The following ZNF358 variants were observed in gnomAD, a reference collection of about 807,000 sequenced individuals.
The protein encoded by ZNF358 is zinc finger protein 358.
In ZNF358, 1 loss-of-function variant was observed where a neutral mutation model predicts 2.1. The ratio of observed to expected loss-of-function variants is 0.49; its 90% confidence interval spans 0.17 to 2.30. The LOEUF is 2.30. ZNF358 is among the 30% of genes most tolerant of loss of function. The pLI, the probability that ZNF358 is intolerant of heterozygous loss-of-function variation, is 0.26. For missense variants in ZNF358, 665 were observed against 806.8 expected (o/e 0.82, Z 2.13); for synonymous variants, 381 against 359.7 (o/e 1.06, Z -0.67).
In ZNF358 at chr19:7,519,915, C is replaced by T; in HGVS notation, c.673C>T (p.His225Tyr). ...CGGCTGGCGCTCCACGCTGCTGAAA[C>T]ATCGCAGCAGCCACAGCGGGGAGAA... ...AFGWRSTLLK[H>Y]RSSHSGEKPH... The change falls in exon 2 of 2, where the codon CAT (histidine) becomes TAT (tyrosine). Residue 225 changes from histidine to tyrosine, a missense_variant. Physicochemically the swap from His to Tyr is moderately conservative, Grantham distance 83. Coordinates refer to ENST00000597229, the MANE Select transcript of ZNF358 (RefSeq NM_018083.5). 1 of 1,527,654 alleles carries T rather than the reference C, an allele frequency of 6.5e-7. No individual in the cohort carries two copies. The highest frequency in any genetic ancestry group is 8.7e-7 in the Non-Finnish European group (1 of 1,143,166). 94.6% of individuals were successfully genotyped at this position (1,527,654 alleles called of 1,614,324 possible).
Position 7,516,272 on chromosome 19 carries a change from TGGGGCCGGGGCGG to T in ZNF358, c.-39+29_-39+41del, listed in dbSNP as rs1396880187. 32 of 24,578 alleles carry T rather than the reference TGGGGCCGGGGCGG, an allele frequency of 1.3e-3. 1 individual carries two copies. The highest frequency in any genetic ancestry group is 2.2e-3 in the Non-Finnish European group (28 of 12,806). 1.5% of individuals were successfully genotyped at this position (24,578 alleles called of 1,614,324 possible). ...CGGGTGAGTGTCCCTGCGAGCGGGC[TGGGGCCGGGGCGG>T]GGGGCTGGGTGGGGGGCGGGCGGGC... On this transcript the variant is annotated intron_variant, in intron 1 of 1. Transcript: ENST00000597229. This position sits in a 1 kb window ranked among gnomAD's most constrained non-coding sequence, Gnocchi z 5.9.
rs556101041 is a variant in ZNF358, at chr19:7,518,557, G to GAGAGAAAGAAAGAAAGAAAA, written c.-38-645_-38-644insGAAAGAAAGAAAGAAAAAGA. Among the ~76,000 whole-genome samples the GAGAGAAAGAAAGAAAGAAAA allele has an allele frequency of 2.7e-3, 310 of 116,166 alleles. 2 individuals carry two copies. Among genetic ancestry groups the GAGAGAAAGAAAGAAAGAAAA allele is most frequent in the African/African-American group, 0.011 (287 of 26,556 alleles). The allele number at this position is 116,166 out of a possible 152,430, so 76.2% of individuals were successfully genotyped here. ...AAAGAAAGAAAGAAAGAGAGAGAGA[G>GAGAGAAAGAAAGAAAGAAAA]AGAAAGAAAGAAAGAAAGAAAGAAA... On this transcript the variant is annotated intron_variant, in intron 1 of 1. Transcript: ENST00000597229.
At chr19:7,514,018 C>G (rs1372929299), upstream of ZNF358, 1 of 152,186 alleles carries the variant, frequency 6.6e-6, no homozygotes, top group Non-Finnish European at 1.5e-5. Context: ...ACGGCTATAT[C>G]CAGGAGCTCA....
In ZNF358 at chr19:7,519,424, A is replaced by G; in HGVS notation, c.182A>G (p.Tyr61Cys). Residue 61 changes from tyrosine (Y) to cysteine (C), a missense_variant, in exon 2 of 2, where the codon TAT becomes TGT. This residue lies in a region of ZNF358 where 206 missense variants were observed against 228.4 expected (regional missense o/e 0.90). Transcript: ENST00000597229. ...NTVPEDVDPS[Y>C]EDLEPVSEDL... ...GTCCCGGAAGACGTGGACCCCAGCT[A>G]TGAAGATCTGGAGCCCGTCTCGGAG... The G allele has an allele frequency of 6.2e-7, 1 of 1,613,922 alleles. No individual in the cohort carries two copies. The highest frequency in any genetic ancestry group is 8.5e-7 in the Non-Finnish European group (1 of 1,179,960).
At chr19:7,515,980 G>A (rs1167162299), upstream of ZNF358, 5 of 151,828 alleles carry the variant, frequency 3.3e-5, no homozygotes, top group African/African-American at 9.7e-5. Flanking sequence ...GCGGCCGCGC[G>A]GTCGGGGTGG....
chr19:7,520,554 C>A lies in ZNF358; in HGVS notation c.1312C>A (p.Leu438Met), dbSNP rs1362692238. The change falls in exon 2 of 2, where the codon CTG becomes ATG. Residue 438 changes from leucine to methionine, a missense_variant. Leu to Met is a conservative substitution (Grantham distance 15, BLOSUM62 2). This residue lies in a region of ZNF358 where 249 missense variants were observed against 227.6 expected (regional missense o/e 1.09). Coordinates refer to ENST00000597229, the MANE Select transcript of ZNF358 (RefSeq NM_018083.5). The surrounding 1 kb of genome is among the most constrained non-coding windows in gnomAD (Gnocchi z 6.0). ...SMMRPGQVSL[L>M]GPDAVSVLGS... ...GATGAGGCCGGGGCAGGTCTCCCTC[C>A]TGGGTCCTGATGCTGTTTCTGTGCT... The A allele has an allele frequency of 2.2e-5, 28 of 1,275,150 alleles. No homozygotes were observed. Among genetic ancestry groups the A allele is most frequent in the Non-Finnish European group, 2.9e-5 (26 of 895,510 alleles). The allele number at this position is 1,275,150 out of a possible 1,614,324, so 79.0% of individuals were successfully genotyped here.
In ZNF358 at chr19:7,520,932, C is replaced by G; in HGVS notation, c.1690C>G (p.Leu564Val). The change falls in exon 2 of 2, where the codon CTG becomes GTG. Residue 564 changes from leucine (L) to valine (V), a missense_variant. Physicochemically the swap from Leu to Val is conservative, Grantham distance 32 (BLOSUM62 1). Transcript: ENST00000597229. The surrounding 1 kb of genome is among the most constrained non-coding windows in gnomAD (Gnocchi z 6.0). ...PEWVQEQGAL[L>V]GPDG ...GTGGGTACAGGAGCAAGGGGCACTGCTGGGGCCTGATGGCTGAAGGAGACG... is the reference window on the plus strand; with the variant it reads ...GTGGGTACAGGAGCAAGGGGCACTGGTGGGGCCTGATGGCTGAAGGAGACG... 2 of 1,613,646 alleles carry G rather than the reference C, an allele frequency of 1.2e-6. No homozygotes were observed. Among genetic ancestry groups the G allele is most frequent in the Non-Finnish European group, 1.7e-6 (2 of 1,179,766 alleles).
In ZNF358 at chr19:7,516,209, G is replaced by C. The variant is rs2022336244; in HGVS notation, c.-79G>C. ...GCGGGCCCGGGGGGAGCCGGCGGCC[G>C]GCGCGGGCGCGGCGGGCCGGGCAGG... On this transcript the variant is annotated 5_prime_UTR_variant, in exon 1 of 2. Transcript: ENST00000597229. This position sits in a 1 kb window ranked among gnomAD's most constrained non-coding sequence, Gnocchi z 5.9. 1 of 137,724 alleles carries C rather than the reference G, an allele frequency of 7.3e-6. No individual in the cohort carries two copies. Among genetic ancestry groups the C allele is most frequent in the Non-Finnish European group, 1.6e-5 (1 of 62,314 alleles). The allele number at this position is 137,724 out of a possible 1,614,324, so 8.5% of individuals were successfully genotyped here.
In ZNF358 at chr19:7,520,832, T is replaced by A. The variant is rs1298209394; in HGVS notation, c.1590T>A (p.Pro530=). The change falls in exon 2 of 2, where the codon CCT becomes CCA. Residue 530 remains proline, a synonymous_variant. Coordinates refer to ENST00000597229, the MANE Select transcript of ZNF358 (RefSeq NM_018083.5). This position sits in a 1 kb window ranked among gnomAD's most constrained non-coding sequence, Gnocchi z 6.0. ...PDPVPSPDPN[P]VSCPDPCSPT... ...CTGTGCCCAGCCCTGATCCCAACCC[T>A]GTGTCCTGCCCTGACCCCTGTTCTC... is the stretch of plus-strand genomic sequence containing the variant. The A allele has an allele frequency of 1.2e-6, 2 of 1,613,956 alleles. No individual in the cohort carries two copies. The highest frequency in any genetic ancestry group is 1.7e-5 in the Admixed American group (1 of 60,018).
Position 7,520,663 on chromosome 19 carries a change from C to G in ZNF358, c.1421C>G (p.Pro474Arg). Residue 474 changes from proline to arginine, a missense_variant, in exon 2 of 2, where the codon CCC (proline) becomes CGC (arginine). Around this residue, in one of 3 missense-constraint regions of ZNF358, gnomAD observed 249 missense variants for 227.6 expected, o/e 1.09. Coordinates refer to ENST00000597229, the MANE Select transcript of ZNF358 (RefSeq NM_018083.5). This position sits in a 1 kb window ranked among gnomAD's most constrained non-coding sequence, Gnocchi z 6.0. The part of the protein sequence containing the change: ...PGSGPGTLPD[P>R]SSKPLPGSRS... ...TCTGGGCCGGGCACTCTGCCGGATC[C>G]CAGCTCCAAACCCCTCCCCGGCTCC... is the stretch of plus-strand genomic sequence containing the variant. 6.2e-7 allele frequency: 1 copy of G among 1,606,268 alleles called. No individual in the cohort carries two copies. The highest frequency in any genetic ancestry group is 8.5e-7 in the Non-Finnish European group (1 of 1,175,766).
Position 7,520,298 on chromosome 19 carries a change from C to T in ZNF358, c.1056C>T (p.Cys352=), listed in dbSNP as rs747758843. 6.2e-7 allele frequency: 1 copy of T among 1,611,156 alleles called. No homozygotes were observed. The highest frequency in any genetic ancestry group is 1.1e-5 in the South Asian group (1 of 91,052). ...TGERPYACPH[C]SKAFGQSSAL... is the part of the protein sequence containing the mutation. ...AGCGGCCCTACGCCTGCCCGCACTG[C>T]TCCAAGGCCTTCGGCCAGAGCTCAG... The change falls in exon 2 of 2, where the codon TGC becomes TGT. Residue 352 remains cysteine, a synonymous_variant. Coordinates refer to ENST00000597229, the MANE Select transcript of ZNF358 (RefSeq NM_018083.5). This position sits in a 1 kb window ranked among gnomAD's most constrained non-coding sequence, Gnocchi z 6.0.
chr19:7,518,530 G>GGAAAGAAA (rs796574664), intron 1 of ZNF358, among the ~76,000 whole-genome samples: 2 of 76,242 alleles, frequency 2.6e-5, no homozygotes, highest in African/African-American at 9.6e-5. Flanking sequence ...AAGGAAGGAA[G>GGAAAGAAA]GAAAGAAAGA....
rs1286782661 is a variant in ZNF358, at chr19:7,520,861, C to T, written c.1619C>T (p.Thr540Ile). 6.2e-7 allele frequency: 1 copy of T among 1,614,152 alleles called. No individual in the cohort carries two copies. The highest frequency in any genetic ancestry group is 1.1e-5 in the South Asian group (1 of 91,078). The part of the protein sequence containing the change: ...PVSCPDPCSP[T>I]RGTVSPALPT... ...TCCTGCCCTGACCCCTGTTCTCCCACTCGTGGCACTGTCAGCCCAGCCCTC... is the reference window on the plus strand; with the variant it reads ...TCCTGCCCTGACCCCTGTTCTCCCATTCGTGGCACTGTCAGCCCAGCCCTC... The change falls in exon 2 of 2, where the codon ACT becomes ATT. Residue 540 changes from threonine to isoleucine, a missense_variant. Physicochemically the swap from Thr to Ile is moderately conservative, Grantham distance 89. This residue lies in a region of ZNF358 where 249 missense variants were observed against 227.6 expected (regional missense o/e 1.09). Coordinates refer to ENST00000597229, the MANE Select transcript of ZNF358 (RefSeq NM_018083.5). The surrounding 1 kb of genome is among the most constrained non-coding windows in gnomAD (Gnocchi z 6.0).
At chr19:7,517,516 G>A (rs1475899059) in intron 1 of ZNF358, among the ~76,000 whole-genome samples, 3 of 152,032 alleles carry the variant, frequency 2.0e-5, no homozygotes, top group Non-Finnish European at 4.4e-5. Context: ...TTTGAGCCCA[G>A]GAGTTTGAGT....
Position 7,519,249 on chromosome 19 carries a change from C to T in ZNF358, c.7C>T (p.Arg3Cys). The T allele has an allele frequency of 1.9e-6, 3 of 1,611,738 alleles. No individual in the cohort carries two copies. The highest frequency in any genetic ancestry group is 2.2e-5 in the South Asian group (2 of 90,866). The change falls in exon 2 of 2, where the codon CGC becomes TGC. Residue 3 changes from arginine to cysteine, a missense_variant. Physicochemically the swap from Arg to Cys is radical, Grantham distance 180. Coordinates refer to ENST00000597229, the MANE Select transcript of ZNF358 (RefSeq NM_018083.5). MR[R>C]SVLVRNPGHK... ...GGGCACATCCACGCCTGAAATGCGG[C>T]GCTCAGTCCTGGTCAGGAACCCAGG...
At chr19:7,514,438 T>C (rs2022309950), upstream of ZNF358, among the ~76,000 whole-genome samples, 2 of 152,190 alleles carry the variant, frequency 1.3e-5, no homozygotes, top group South Asian at 4.1e-4. Flanking sequence ...CATAATCCAA[T>C]TGAAGTTATC....
Position 7,520,075 on chromosome 19 carries a change from T to C in ZNF358, c.833T>C (p.Leu278Pro). Residue 278 changes from leucine to proline, a missense_variant, in exon 2 of 2, where the codon CTG becomes CCG. This residue lies in a region of ZNF358 where 210 missense variants were observed against 350.8 expected (regional missense o/e 0.60). Coordinates refer to ENST00000597229, the MANE Select transcript of ZNF358 (RefSeq NM_018083.5). The surrounding 1 kb of genome is among the most constrained non-coding windows in gnomAD (Gnocchi z 6.0). ...CAKGFGQGSA[L>P]LKHLRTHTGE... The stretch of plus-strand genomic sequence containing the variant: ...AAGGGCTTCGGCCAGGGCTCTGCGC[T>C]GCTCAAACACCTGCGCACGCACACG... 6.3e-7 allele frequency: 1 copy of C among 1,584,822 alleles called. No homozygotes were observed. Among genetic ancestry groups the C allele is most frequent in the South Asian group, 1.1e-5 (1 of 89,682 alleles).
At chr19:7,515,385 A>T (rs2022322674), upstream of ZNF358, 1 of 152,218 alleles carries the variant, frequency 6.6e-6, no homozygotes. Flanking sequence ...GCCTCCAGGG[A>T]CAGCGGTGAC....
upstream of ZNF358, among the ~76,000 whole-genome samples, chr19:7,514,985 A>G (rs370328866): frequency 6.6e-6 from 1 of 152,116 alleles, no homozygotes; most frequent in African/African-American, 2.4e-5. Flanking sequence ...GGAACCTGGG[A>G]GCGCTTTGCT....
Sources: gnomAD v4.1 joint callset for allele counts (sites outside exome capture counted in the v4.1 genomes callset) on GRCh38, gnomAD v4.1.1 for gene constraint, gnomAD v4.1.1 regional missense constraint, Gnocchi (gnomAD v3.1) non-coding constraint, MANE v1.5 for transcripts, NCBI Gene and HGNC (gene_info 2026-07-23, HGNC 2026-07-21) for gene names.